RAB6B: variants seen among roughly 807,000 people sequenced by gnomAD.
RAB6B encodes the protein ras-related protein Rab-6B.
In RAB6B, 7 loss-of-function variants were observed where a neutral mutation model predicts 31.2. The observed-to-expected ratio is 0.22, with a 90% CI of 0.13 to 0.42. The LOEUF (loss-of-function observed/expected upper bound fraction) is 0.42, where lower values mean the gene tolerates loss of function less well. Among genes scored for constraint, RAB6B ranks in the 10% least tolerant of loss-of-function variants. The pLI is 1.00. For missense variants in RAB6B, 149 were observed against 280.6 expected, an observed-to-expected ratio of 0.53 and a Z score of 3.35; for synonymous variants, 105 against 104.9, an observed-to-expected ratio of 1.00 and a Z score of -0.01.
At chr3:133,889,448 A>C (rs1267174387) in intron 1 of RAB6B, among the ~76,000 whole-genome samples, 1 of 109,164 alleles carries the variant, frequency 9.2e-6, no homozygotes, top group African/African-American at 3.5e-5. Context: ...ATATATATTT[A>C]TTTTGGGATG....
At chr3:133,830,454 C>T (rs767400601) in intron 7 of RAB6B, among the ~76,000 whole-genome samples, 3 of 152,216 alleles carry the variant, frequency 2.0e-5, no homozygotes, top group Non-Finnish European at 4.4e-5. Flanking sequence ...GCTCCACCAA[C>T]CAGATTTTCC....
At chr3:133,862,260 T>C (rs774112673) in intron 2 of RAB6B, among the ~76,000 whole-genome samples, 7 of 152,318 alleles carry the variant, frequency 4.6e-5, no homozygotes, top group Admixed American at 2.0e-4. Context: ...CAACTCTCCA[T>C]GCTGTTTTTT....
At chr3:133,844,485 G>A (rs931651583) in intron 2 of RAB6B, among the ~76,000 whole-genome samples, 1 of 152,350 alleles carries the variant, frequency 6.6e-6, no homozygotes, top group East Asian at 1.9e-4. Context: ...TTGTCTCTGG[G>A]TGTAACTGAG....
At chr3:133,839,442 T>C in intron 5 of RAB6B, 64 bp downstream of exon 5, 1 of 1,370,282 alleles carries the variant, frequency 7.3e-7, no homozygotes, top group Admixed American at 1.7e-5. Context: ...CAGAGCTCCC[T>C]GTCCAGGAGC....
intron 1 of RAB6B, among the ~76,000 whole-genome samples, chr3:133,865,178 T>C (rs1936219320): frequency 6.6e-6 from 1 of 152,206 alleles, no homozygotes; most frequent in Admixed American, 6.5e-5. Context: ...GGACTATTCT[T>C]TGTGTATCTG....
chr3:133,842,217 GC>G (rs1341114291), intron 2 of RAB6B, among the ~76,000 whole-genome samples: 2 of 152,172 alleles, frequency 1.3e-5, no homozygotes, highest in East Asian at 1.9e-4. Context: ...TCGCTGGGAG[GC>G]CCCACTGGCT....
chr3:133,834,995 T>C (rs1289380656), intron 6 of RAB6B, among the ~76,000 whole-genome samples: 1 of 152,186 alleles, frequency 6.6e-6, no homozygotes. Flanking sequence ...TGACAGGCCT[T>C]AAGGTGGGCT....
Position 133,895,822 on chromosome 3 carries a change from T to G in RAB6B, c.-356A>C. ...CGGCGCGCGGGGCGGAGGAGCGCTC[T>G]CCAGAGCCGCGCCAGTCGGCCCCCT... On this transcript the variant is annotated 5_prime_UTR_variant, in exon 1 of 8. Coordinates refer to ENST00000285208, the MANE Select transcript of RAB6B (RefSeq NM_016577.4). 1 of 243,396 alleles carries G rather than the reference T, an allele frequency of 4.1e-6. No homozygotes were observed. Among genetic ancestry groups the G allele is most frequent in the East Asian group, 8.1e-5 (1 of 12,296 alleles). 15.1% of individuals were successfully genotyped at this position (243,396 alleles called of 1,614,324 possible). A position where few individuals can be genotyped will look rare whatever the true frequency, so the allele number is the denominator to read the frequency against.
chr3:133,863,512 C>T (rs555904817), intron 2 of RAB6B, among the ~76,000 whole-genome samples: 1 of 152,304 alleles, frequency 6.6e-6, no homozygotes, highest in South Asian at 2.1e-4. Flanking sequence ...ACTCGATAAC[C>T]AAGGGATTCC....
chr3:133,825,341 T>TG lies in RAB6B; in HGVS notation c.*3446dup, dbSNP rs1479362071. On this transcript the variant is annotated 3_prime_UTR_variant, in exon 8 of 8. Coordinates refer to ENST00000285208, the MANE Select transcript of RAB6B (RefSeq NM_016577.4). Reference sequence around the variant, plus strand: ...GATGATGCAGACGTTGCACCCCAGATGTGTCTGCACTCTTAACTACCACCA... The same window carrying TG: ...GATGATGCAGACGTTGCACCCCAGATGGTGTCTGCACTCTTAACTACCACCA... 5 of 152,266 alleles carry TG rather than the reference T, an allele frequency of 3.3e-5. No homozygotes were observed. The East Asian group carries it at 9.6e-4, about 29-fold the overall frequency. 9.4% of individuals were successfully genotyped at this position (152,266 alleles called of 1,614,324 possible). A position where few individuals can be genotyped will look rare whatever the true frequency, so the allele number is the denominator to read the frequency against.
Position 133,825,848 on chromosome 3 carries a change from G to C in RAB6B, c.*2940C>G, listed in dbSNP as rs996308909. ...GAGAGGGACTGAATTGCTCAATTGA[G>C]AACATTTCCTCAAAGGAATCCTCCA... On this transcript the variant is annotated 3_prime_UTR_variant, in exon 8 of 8. Coordinates refer to ENST00000285208, the MANE Select transcript of RAB6B (RefSeq NM_016577.4). The C allele has an allele frequency of 3.3e-5, 5 of 152,198 alleles. No homozygotes were observed. Among genetic ancestry groups the C allele is most frequent in the African/African-American group, 1.2e-4 (5 of 41,448 alleles). 9.4% of individuals were successfully genotyped at this position (152,198 alleles called of 1,614,324 possible). A position where few individuals can be genotyped will look rare whatever the true frequency, so the allele number is the denominator to read the frequency against.
chr3:133,881,382 G>A (rs1936464878), intron 1 of RAB6B, among the ~76,000 whole-genome samples: 3 of 152,224 alleles, frequency 2.0e-5, no homozygotes, highest in East Asian at 1.9e-4. Context: ...CCAAGGGCTT[G>A]ACCTCAGAGA....
At chr3:133,852,729 T>C (rs1936005711) in intron 2 of RAB6B, among the ~76,000 whole-genome samples, 2 of 152,206 alleles carry the variant, frequency 1.3e-5, no homozygotes, top group African/African-American at 2.4e-5. Context: ...TCCTTCCGCT[T>C]CAGCCTCCCA....
At chr3:133,889,369 G>A (rs574369253) in intron 1 of RAB6B, among the ~76,000 whole-genome samples, 5 of 116,276 alleles carry the variant, frequency 4.3e-5, no homozygotes, top group Admixed American at 3.8e-4. Context: ...AGGAACAAAA[G>A]GACAATAAGG....
intron 1 of RAB6B, among the ~76,000 whole-genome samples, chr3:133,876,316 C>G: frequency 6.6e-6 from 1 of 152,138 alleles, no homozygotes; most frequent in East Asian, 1.9e-4. Flanking sequence ...AGCTGTGTCT[C>G]CCCCGGACCA....
chr3:133,865,596 A>G (rs1183955528), intron 1 of RAB6B, among the ~76,000 whole-genome samples: 1 of 152,236 alleles, frequency 6.6e-6, no homozygotes, highest in Non-Finnish European at 1.5e-5. Context: ...TGGGAGGCTC[A>G]GTGGGGAATC....
rs541769937 is a variant in RAB6B at position 133,829,084 on chromosome 3, C to T, written c.563-232G>A. ...TCCACCCAAGCAAAGCCTGTCTTGC[C>T]TGGGCCGTGGGATCACCATCTATAC... On this transcript the variant is annotated intron_variant, in intron 7 of 7. Transcript: ENST00000285208. Among the ~76,000 whole-genome samples, 33 of 152,304 alleles carry T rather than the reference C, an allele frequency of 2.2e-4. 1 individual carries two copies. The highest frequency in any genetic ancestry group is 1.0e-3 in the South Asian group (5 of 4,828).
In RAB6B at chr3:133,873,856, T is replaced by C. The variant is rs72976381; in HGVS notation, c.71-9214A>G. On this transcript the variant is annotated intron_variant, in intron 1 of 7. Coordinates refer to ENST00000285208, the MANE Select transcript of RAB6B (RefSeq NM_016577.4). ...CCTTCCTGATAACATAAACAGTTGA[T>C]TAACAGGTATTTTGTGTTATATGTA... Among the ~76,000 whole-genome samples, 786 of 152,346 alleles carry C rather than the reference T, an allele frequency of 5.2e-3. 7 individuals carry two copies. The highest frequency in any genetic ancestry group is 0.018 in the African/African-American group (744 of 41,584).
intron 7 of RAB6B, 83 bp from the exon 8 acceptor site, chr3:133,828,935 A>G (rs990632276): frequency 7.7e-7 from 1 of 1,295,606 alleles, no homozygotes; most frequent in Non-Finnish European, 1.1e-6. Context: ...CCCTTTGGCT[A>G]CTGCTCTGTT....
Sources: gnomAD v4.1 joint callset for allele counts (sites outside exome capture counted in the v4.1 genomes callset) on GRCh38, gnomAD v4.1.1 for gene constraint, MANE v1.5 for transcripts, NCBI Gene and HGNC (gene_info 2026-07-23, HGNC 2026-07-21) for gene names.